OTUD7A: variants seen among roughly 807,000 people sequenced by gnomAD.
The protein encoded by OTUD7A is OTU domain-containing protein 7A.
In OTUD7A, 12 loss-of-function variants were observed where a neutral mutation model predicts 65.7. That is an observed-to-expected ratio of 0.18 (90% CI 0.12 to 0.30). The LOEUF (loss-of-function observed/expected upper bound fraction) is 0.30. OTUD7A is among the 10% of genes least tolerant of loss of function. OTUD7A has a pLI of 1.00. For missense variants in OTUD7A, 1,148 were observed against 1,304.8 expected (o/e 0.88, Z 1.85); for synonymous variants, 641 against 586.3 (o/e 1.09, Z -1.35).
At chr15:31,634,908 A>G (rs1327950608) in intron 3 of OTUD7A, among the ~76,000 whole-genome samples, 1 of 152,134 alleles carries the variant, frequency 6.6e-6, no homozygotes. Context: ...CAAGGTTGGG[A>G]CCCTGGGGAC....
At chr15:31,787,187 G>A (rs531238029) in intron 1 of OTUD7A, among the ~76,000 whole-genome samples, 1 of 152,322 alleles carries the variant, frequency 6.6e-6, no homozygotes, top group East Asian at 1.9e-4. Flanking sequence ...AACCAGATGT[G>A]ATGGCCTTAT....
intron 1 of OTUD7A, among the ~76,000 whole-genome samples, chr15:31,824,663 C>T (rs979737040): frequency 2.0e-5 from 3 of 152,246 alleles, no homozygotes; most frequent in South Asian, 2.1e-4. Flanking sequence ...TTCACACATC[C>T]GCTCCCTTCA....
chr15:31,513,057 G>C (rs2141101220), intron 8 of OTUD7A, among the ~76,000 whole-genome samples: 1 of 152,250 alleles, frequency 6.6e-6, no homozygotes, highest in African/African-American at 2.4e-5. Flanking sequence ...TTTTAGTGGA[G>C]ACGGGTTTTC....
intron 3 of OTUD7A, among the ~76,000 whole-genome samples, chr15:31,607,519 C>T (rs1183771006): frequency 6.6e-6 from 1 of 152,080 alleles, no homozygotes; most frequent in Non-Finnish European, 1.5e-5. Context: ...TCACCCATAG[C>T]CTAAAATTAT....
At chr15:31,739,038 T>C (rs1167618446) in intron 1 of OTUD7A, among the ~76,000 whole-genome samples, 1 of 30,046 alleles carries the variant, frequency 3.3e-5, no homozygotes, top group Non-Finnish European at 8.3e-5. Context: ...GGCCACGGTC[T>C]TATGAAAGCA....
At chr15:31,634,643 C>T (rs201700968) in intron 3 of OTUD7A, among the ~76,000 whole-genome samples, 3 of 152,258 alleles carry the variant, frequency 2.0e-5, no homozygotes, top group East Asian at 3.8e-4. Context: ...CGGCACAGTG[C>T]CCATCTGCCC....
rs954216623 is a variant in OTUD7A, at chr15:31,475,689, C to T, written c.*7605G>A. On this transcript the variant is annotated 3_prime_UTR_variant, in exon 13 of 13. Coordinates refer to ENST00000307050, the MANE Select transcript of OTUD7A (RefSeq NM_001382637.1). ...ACAGCTCTTACAATGGGTTTCTTCTCCAAGAATGGACCGGATTGAAAAGGA... is the reference window on the plus strand; with the variant it reads ...ACAGCTCTTACAATGGGTTTCTTCTTCAAGAATGGACCGGATTGAAAAGGA... The T allele has an allele frequency of 3.3e-5, 5 of 152,152 alleles. 1 individual carries two copies. Among genetic ancestry groups the T allele is most frequent in the African/African-American group, 1.2e-4 (5 of 41,438 alleles). The allele number at this position is 152,152 out of a possible 1,614,324, so 9.4% of individuals were successfully genotyped here.
rs188923873 is a variant in OTUD7A, at chr15:31,567,383, T to G, written c.331+2635A>C. Among the ~76,000 whole-genome samples the G allele has an allele frequency of 4.6e-5, 7 of 152,296 alleles. No homozygotes were observed. In the East Asian group the frequency reaches 1.4e-3, roughly 29 times the overall value. ...TATAAGCAGCAAAGTATTCAAGAGG[T>G]GGCATGGCTGCTTCTAACAGTCTGC... On this transcript the variant is annotated intron_variant, in intron 4 of 12. Transcript: ENST00000307050.
intron 1 of OTUD7A, among the ~76,000 whole-genome samples, chr15:31,747,815 C>A (rs1202116993): frequency 1.3e-5 from 2 of 152,166 alleles, no homozygotes; most frequent in African/African-American, 2.4e-5. Flanking sequence ...ATTAACATAA[C>A]CAGTAATGGG....
chr15:31,744,653 C>A (rs1894429816), intron 1 of OTUD7A, among the ~76,000 whole-genome samples: 1 of 152,006 alleles, frequency 6.6e-6, no homozygotes, highest in East Asian at 1.9e-4. Flanking sequence ...AGAAGTTAGG[C>A]ATATTTAGTC....
intron 5 of OTUD7A, among the ~76,000 whole-genome samples, chr15:31,553,580 T>G (rs1267616369): frequency 6.6e-6 from 1 of 152,070 alleles, no homozygotes; most frequent in Non-Finnish European, 1.5e-5. Flanking sequence ...CTCTTCTTCT[T>G]GCCCTTCCTC....
intron 10 of OTUD7A, among the ~76,000 whole-genome samples, chr15:31,500,134 G>A (rs2041445890): frequency 6.6e-6 from 1 of 152,206 alleles, no homozygotes; most frequent in African/African-American, 2.4e-5. Context: ...CCCGCCCCTG[G>A]CCGATCCCAG....
intron 1 of OTUD7A, among the ~76,000 whole-genome samples, chr15:31,723,406 CCG>C (rs1420259092): frequency 7.0e-5 from 9 of 128,978 alleles, no homozygotes; most frequent in African/African-American, 2.7e-4. Context: ...CCCCCCCCCC[CCG>C]CCCCCCGTTT....
chr15:31,513,153 G>A (rs1233956950), intron 8 of OTUD7A, among the ~76,000 whole-genome samples: 2 of 152,214 alleles, frequency 1.3e-5, no homozygotes, highest in African/African-American at 4.8e-5. Flanking sequence ...TTACAGGCAT[G>A]AGCCACCACA....
chr15:31,753,735 A>AT (rs1894729346), intron 1 of OTUD7A, among the ~76,000 whole-genome samples: 2 of 125,094 alleles, frequency 1.6e-5, no homozygotes, highest in East Asian at 2.2e-4. Context: ...ATATATATAT[A>AT]TATATCTCAC....
chr15:31,751,859 T>C (rs1406096615), intron 1 of OTUD7A, among the ~76,000 whole-genome samples: 1 of 151,858 alleles, frequency 6.6e-6, no homozygotes, highest in African/African-American at 2.4e-5. Context: ...TGCACAGACA[T>C]AAAGACAGGA....
chr15:31,768,467 T>C (rs1044402175), intron 1 of OTUD7A, among the ~76,000 whole-genome samples: 20 of 152,146 alleles, frequency 1.3e-4, no homozygotes, highest in Non-Finnish European at 2.4e-4. Flanking sequence ...GAGACCAGCC[T>C]GGGCAACTTG....
intron 1 of OTUD7A, among the ~76,000 whole-genome samples, chr15:31,863,390 G>T (rs1897795538): frequency 6.6e-6 from 1 of 152,126 alleles, no homozygotes; most frequent in Admixed American, 6.5e-5. Context: ...TCTCCATGAG[G>T]GCCCCACCCC....
chr15:31,758,622 A>T (rs942391186), intron 1 of OTUD7A, among the ~76,000 whole-genome samples: 1 of 152,210 alleles, frequency 6.6e-6, no homozygotes, highest in African/African-American at 2.4e-5. Flanking sequence ...CACAAAACTA[A>T]TATGTTCTAA....
Sources: allele counts gnomAD v4.1 joint callset (sites outside exome capture counted in the v4.1 genomes callset), GRCh38; gene constraint gnomAD v4.1.1; transcripts MANE v1.5; gene names NCBI Gene and HGNC (gene_info 2026-07-23, HGNC 2026-07-21).